Variants in PHLDB1 observed in about 807,000 individuals in gnomAD.
PHLDB1 encodes the protein pleckstrin homology like domain family B member 1.
In PHLDB1, 65 loss-of-function variants were observed where a neutral mutation model predicts 139.3. The observed-to-expected ratio is 0.47, with a 90% CI of 0.38 to 0.57. PHLDB1 has a LOEUF of 0.57. Ranked by LOEUF, PHLDB1 falls within the 20% of genes least tolerant of loss-of-function variation. The pLI is 0.00. For synonymous variants in PHLDB1, 679 were observed against 734.5 expected (o/e 0.92, Z 1.22); for missense variants, 1,624 against 1,839.7 (o/e 0.88, Z 2.14).
intron 9 of PHLDB1, 199 bp from the exon 10 acceptor site, chr11:118,635,194 A>C (rs1353000667): frequency 4.7e-6 from 3 of 640,204 alleles, no homozygotes; most frequent in Non-Finnish European, 8.3e-6. Flanking sequence ...GGAACCGGGA[A>C]GGTTGGGGAA....
chr11:118,636,001 GCCTTGGCTGAGCT>G (rs1945583001), intron 10 of PHLDB1, among the ~76,000 whole-genome samples: 1 of 152,210 alleles, frequency 6.6e-6, no homozygotes, highest in South Asian at 2.1e-4. Flanking sequence ...GCTCAGCCCT[GCCTTGGCTGAGCT>G]ATAAAACAAG....
chr11:118,644,088 A>G lies in PHLDB1; in HGVS notation c.3035A>G (p.Gln1012Arg). 1 of 1,614,014 alleles carries G rather than the reference A, an allele frequency of 6.2e-7. No homozygotes were observed. The highest frequency in any genetic ancestry group is 8.5e-7 in the Non-Finnish European group (1 of 1,179,960). Residue 1012 changes from glutamine (Q) to arginine (R), a missense_variant, in exon 15 of 23, where the codon CAG becomes CGG. By Grantham distance (43) the Gln-to-Arg change is conservative. Transcript: ENST00000600882. The part of the protein sequence containing the change: ...SPSPKSALLT[Q>R]NGTGSLPRNL... The stretch of plus-strand genomic sequence containing the variant: ...CCTCTGCAGAGCGCTCTACTCACCC[A>G]GAATGGCACGGGCAGCCTTCCTCGC...
intron 4 of PHLDB1, among the ~76,000 whole-genome samples, chr11:118,619,030 C>T (rs1445256112): frequency 1.3e-5 from 2 of 152,146 alleles, no homozygotes; most frequent in Non-Finnish European, 2.9e-5. Context: ...ACCCAGGCAT[C>T]TCGGCACATC....
At position 118,645,293 on chromosome 11, in the gene PHLDB1, C is replaced by T. The variant is rs1555126038; in HGVS notation, c.3122-63C>T. 1.0e-5 allele frequency: 13 copies of T among 1,297,860 alleles called. No individual in the cohort carries two copies. The highest frequency in any genetic ancestry group is 1.3e-5 in the Non-Finnish European group (12 of 950,502). 80.4% of individuals were successfully genotyped at this position (1,297,860 alleles called of 1,614,324 possible). On this transcript the variant is annotated intron_variant, in intron 15 of 22. Coordinates refer to ENST00000600882, the MANE Select transcript of PHLDB1 (RefSeq NM_001144758.3). The surrounding 1 kb of genome is among the most constrained non-coding windows in gnomAD (Gnocchi z 5.1). ...GCCCCTCCCTCTGTGTGTTGTGCTG[C>T]CAGTGGCCTGCTCCTTAGCTGCGTG... is the stretch of plus-strand genomic sequence containing the variant.
At position 118,650,220 on chromosome 11, in the gene PHLDB1, G is replaced by C. The variant is rs782417079; in HGVS notation, c.3771+27G>C. 7.8e-6 allele frequency: 12 copies of C among 1,542,316 alleles called. No homozygotes were observed. Among genetic ancestry groups the C allele is most frequent in the Non-Finnish European group, 9.9e-6 (11 of 1,114,520 alleles). On this transcript the variant is annotated intron_variant, in intron 19 of 22. Transcript: ENST00000600882. This position sits in a 1 kb window ranked among gnomAD's most constrained non-coding sequence, Gnocchi z 4.7. ...TACAAGGCGTGTGTGGCCCTGGGGT[G>C]CTGGGGAGAGGGAGAATCCCGTGGT... is the stretch of plus-strand genomic sequence containing the variant.
rs1555104942 is a variant in PHLDB1 at position 118,628,063 on chromosome 11, C to G, written c.1240C>G (p.Arg414Gly). 2 of 1,613,918 alleles carry G rather than the reference C, an allele frequency of 1.2e-6. No homozygotes were observed. The highest frequency in any genetic ancestry group is 1.7e-6 in the Non-Finnish European group (2 of 1,180,026). The change falls in exon 6 of 23, where the codon CGG (arginine) becomes GGG (glycine). Residue 414 changes from arginine (R) to glycine (G), a missense_variant. Physicochemically the swap from Arg to Gly is moderately radical, Grantham distance 125. Transcript: ENST00000600882. Reference sequence around the variant, plus strand: ...TTTCCGTGAGCCTCCAGGCAGTGAGCGGGTGCTAACAACCAGCCCCTCACG... The same window carrying G: ...TTTCCGTGAGCCTCCAGGCAGTGAGGGGGTGCTAACAACCAGCCCCTCACG... ...SPFREPPGSE[R>G]VLTTSPSRQL...
At chr11:118,654,159 AG>A (rs1948710996) in intron 20 of PHLDB1, 1 of 152,276 alleles carries the variant, frequency 6.6e-6, no homozygotes, top group African/African-American at 2.4e-5. Flanking sequence ...CCTCTCCTGT[AG>A]GACGCAGGCT....
intron 4 of PHLDB1, among the ~76,000 whole-genome samples, chr11:118,623,753 T>A (rs1356385291): frequency 2.0e-5 from 3 of 152,154 alleles, no homozygotes; most frequent in African/African-American, 7.2e-5. Context: ...TTTTTTTTTG[T>A]GACCCTGGAA....
chr11:118,641,537 C>T (rs1555120538), intron 12 of PHLDB1: 1 of 895,480 alleles, frequency 1.1e-6, no homozygotes, highest in African/African-American at 1.8e-5. Flanking sequence ...CTCCCTTCCC[C>T]TGTGGGTAGG....
chr11:118,644,018 G>A, intron 14 of PHLDB1, 54 bp from the exon 15 acceptor site: 2 of 1,605,782 alleles, frequency 1.2e-6, no homozygotes, highest in Non-Finnish European at 1.7e-6. Context: ...AAGACCTTGG[G>A]AATGGGGGTA....
At chr11:118,646,893 A>G (rs1947618304) in intron 17 of PHLDB1, 2 of 152,202 alleles carry the variant, frequency 1.3e-5, no homozygotes. Flanking sequence ...TTTATGTCTG[A>G]ATATGGCAAA....
At chr11:118,651,845 A>G (rs1948398464) in intron 20 of PHLDB1, 1 of 151,950 alleles carries the variant, frequency 6.6e-6, no homozygotes, top group Non-Finnish European at 1.5e-5. Flanking sequence ...CTTATGCCCA[A>G]TACATGTCGA....
In PHLDB1 at chr11:118,639,196, A is replaced by G. The variant is rs782649765; in HGVS notation, c.2681A>G (p.Tyr894Cys). 8.7e-6 allele frequency: 14 copies of G among 1,613,962 alleles called. No individual in the cohort carries two copies. Among genetic ancestry groups the G allele is most frequent in the Non-Finnish European group, 1.2e-5 (14 of 1,179,994 alleles). The stretch of plus-strand genomic sequence containing the variant: ...AAGCTGACTGTGCTGGAAAGGAGAT[A>G]CCACTCACTCACAGGGGGCAGGCCT... ...KEKLTVLERR[Y>C]HSLTGGRPFP... The change falls in exon 12 of 23, where the codon TAC becomes TGC. Residue 894 changes from tyrosine to cysteine, a missense_variant. By Grantham distance (194) the Tyr-to-Cys change is radical (BLOSUM62 -2). Coordinates refer to ENST00000600882, the MANE Select transcript of PHLDB1 (RefSeq NM_001144758.3).
chr11:118,608,335 C>T lies in PHLDB1; in HGVS notation c.-22+636C>T, dbSNP rs1287071789. ...GGGGCCGGGGAGGCCGCCTGGGGCG[C>T]CTTGCCACGCCCGCGCGGTCCCTAT... is the stretch of plus-strand genomic sequence containing the variant. On this transcript the variant is annotated intron_variant, in intron 1 of 22. Coordinates refer to ENST00000600882, the MANE Select transcript of PHLDB1 (RefSeq NM_001144758.3). The surrounding 1 kb of genome is among the most constrained non-coding windows in gnomAD (Gnocchi z 6.7). Among the ~76,000 whole-genome samples, 1 of 152,126 alleles carries T rather than the reference C, an allele frequency of 6.6e-6. No individual in the cohort carries two copies. The highest frequency in any genetic ancestry group is 1.5e-5 in the Non-Finnish European group (1 of 67,996).
intron 4 of PHLDB1, among the ~76,000 whole-genome samples, chr11:118,617,664 C>A (rs917797617): frequency 1.3e-5 from 2 of 151,852 alleles, no homozygotes; most frequent in African/African-American, 4.8e-5. Context: ...TTTCTTCCTG[C>A]CCTCGGGTAG....
At position 118,657,075 on chromosome 11, in the gene PHLDB1, T is replaced by C. The variant is rs781788756; in HGVS notation, c.*252T>C. 3.2e-5 allele frequency: 12 copies of C among 380,226 alleles called. No individual in the cohort carries two copies. Among genetic ancestry groups the C allele is most frequent in the Non-Finnish European group, 5.7e-5 (12 of 211,126 alleles). The allele number at this position is 380,226 out of a possible 1,614,324, so 23.6% of individuals were successfully genotyped here. Reference sequence around the variant, plus strand: ...AGGGCCTCAGCTCTGACCTGACACCTGCTCTCCCCAGCCTGTTTTCTCTTT... The same window carrying C: ...AGGGCCTCAGCTCTGACCTGACACCCGCTCTCCCCAGCCTGTTTTCTCTTT... On this transcript the variant is annotated 3_prime_UTR_variant, in exon 23 of 23. Transcript: ENST00000600882.
chr11:118,628,287 G>A lies in PHLDB1; in HGVS notation c.1464G>A (p.Glu488=), dbSNP rs958620024. The A allele has an allele frequency of 6.2e-7, 1 of 1,613,868 alleles. No homozygotes were observed. The highest frequency in any genetic ancestry group is 1.7e-5 in the Admixed American group (1 of 60,010). The stretch of plus-strand genomic sequence containing the variant: ...CCAAGCTAAACAGGGAAGTGGCAGA[G>A]AGTCCTCGGCCCCGGCGCTGGGCAG... ...PDPKLNREVA[E]SPRPRRWAAH... Residue 488 remains glutamate (E), a synonymous_variant, in exon 6 of 23, where the codon GAG becomes GAA. Coordinates refer to ENST00000600882, the MANE Select transcript of PHLDB1 (RefSeq NM_001144758.3).
At chr11:118,629,501 G>A (rs911819311) in intron 6 of PHLDB1, among the ~76,000 whole-genome samples, 2 of 152,206 alleles carry the variant, frequency 1.3e-5, no homozygotes, top group African/African-American at 2.4e-5. Flanking sequence ...TGTCCCTTAC[G>A]AGCAGAACAG....
rs535313539 is a variant in PHLDB1, at chr11:118,650,514, G to A, written c.3841G>A (p.Asp1281Asn). Residue 1281 changes from aspartate (D) to asparagine (N), a missense_variant, in exon 20 of 23, where the codon GAC (aspartate) becomes AAC (asparagine). Physicochemically the swap from Asp to Asn is conservative, Grantham distance 23 (BLOSUM62 1). Coordinates refer to ENST00000600882, the MANE Select transcript of PHLDB1 (RefSeq NM_001144758.3). This position sits in a 1 kb window ranked among gnomAD's most constrained non-coding sequence, Gnocchi z 4.7. ...ATGGAAGAAGCGCTGGTTTGTCTTC[G>A]ACCGGCTCAAGCGCACCCTTTCCTA... is the stretch of plus-strand genomic sequence containing the variant. ...KSWKKRWFVF[D>N]RLKRTLSYYV... 30 of 1,614,038 alleles carry A rather than the reference G, an allele frequency of 1.9e-5. No homozygotes were observed. Among genetic ancestry groups the A allele is most frequent in the Admixed American group, 6.7e-5 (4 of 60,016 alleles).
Sources: gnomAD v4.1 joint callset for allele counts (sites outside exome capture counted in the v4.1 genomes callset) on GRCh38, gnomAD v4.1.1 for gene constraint, Gnocchi (gnomAD v3.1) non-coding constraint, MANE v1.5 for transcripts, NCBI Gene and HGNC (gene_info 2026-07-23, HGNC 2026-07-21) for gene names.